TRAT1: variants seen among roughly 807,000 people sequenced by gnomAD.
TRAT1 encodes the protein T-cell receptor-associated transmembrane adapter 1.
TRAT1 carries 20 observed loss-of-function variants against 20.0 expected under a neutral mutation model. The observed-to-expected ratio is 1.00, with a 90% confidence interval of 0.70 to 1.45. The LOEUF (loss-of-function observed/expected upper bound fraction) is 1.45. Among genes scored for constraint, TRAT1 ranks in the 40% most tolerant of loss-of-function variants. TRAT1 has a pLI of 0.00. For missense variants in TRAT1, 237 were observed against 224.1 expected (o/e 1.06, Z -0.37); for synonymous variants, 77 against 74.2 (o/e 1.04, Z -0.20).
At chr3:108,847,032 G>A in intron 3 of TRAT1, 36 bp from the exon 4 acceptor site, 1 of 1,247,768 alleles carries the variant, frequency 8.0e-7, no homozygotes, top group Non-Finnish European at 1.2e-6. Context: ...GTGAAAAGTG[G>A]AATCTAATAA....
In TRAT1 at chr3:108,848,165, A is replaced by G. The variant is rs546162650; in HGVS notation, c.215-1001A>G. Among the ~76,000 whole-genome samples the G allele has an allele frequency of 2.0e-4, 30 of 152,288 alleles. No individual in the cohort carries two copies. The East Asian group carries it at 4.4e-3, about 23-fold the overall frequency. Reference sequence around the variant, plus strand: ...CAAACCCATTATACCTGCTACTTCCATACTTAAGTGAGCCCAGGTGCCGCT... The same window carrying G: ...CAAACCCATTATACCTGCTACTTCCGTACTTAAGTGAGCCCAGGTGCCGCT... On this transcript the variant is annotated intron_variant, in intron 4 of 5. Transcript: ENST00000295756.
intron 2 of TRAT1, among the ~76,000 whole-genome samples, chr3:108,832,654 C>A (rs76755095): frequency 0.017 from 2,538 of 152,168 alleles, 78 homozygotes; most frequent in African/African-American, 0.058. Flanking sequence ...CAAGACAAGA[C>A]CAGTAACCTG....
At chr3:108,836,219 G>GAGTT (rs1290590891) in intron 2 of TRAT1, among the ~76,000 whole-genome samples, 1 of 152,050 alleles carries the variant, frequency 6.6e-6, no homozygotes, top group African/African-American at 2.4e-5. Flanking sequence ...TGCCCGGCCA[G>GAGTT]AGTTAGTTTT....
intron 3 of TRAT1, among the ~76,000 whole-genome samples, chr3:108,841,982 G>C (rs185619403): frequency 1.1e-3 from 162 of 152,174 alleles, no homozygotes; most frequent in African/African-American, 3.6e-3. Flanking sequence ...TGAAGAATAA[G>C]GTTTATAATA....
At chr3:108,838,356 TGATAGATAGATAGATAGATAGATA>T (rs11371183) in intron 2 of TRAT1, among the ~76,000 whole-genome samples, 9 of 77,012 alleles carry the variant, frequency 1.2e-4, no homozygotes, top group Non-Finnish European at 2.3e-4. Flanking sequence ...TATAGATAGA[TGATAGATAGATAGATAGATAGATA>T]GATAGATAGA....
intron 1 of TRAT1, among the ~76,000 whole-genome samples, chr3:108,829,532 C>T (rs530502351): frequency 2.0e-5 from 3 of 151,054 alleles, no homozygotes; most frequent in Non-Finnish European, 2.9e-5. Flanking sequence ...TGTAGTGAGC[C>T]GAGATCGTGC....
intron 2 of TRAT1, among the ~76,000 whole-genome samples, chr3:108,831,953 TAA>T: frequency 6.6e-6 from 1 of 152,136 alleles, no homozygotes; most frequent in East Asian, 1.9e-4. Flanking sequence ...GAAATAAAAC[TAA>T]GTTAACAAAA....
chr3:108,849,256 T>A lies in TRAT1; in HGVS notation c.303+2T>A. 1 of 1,612,718 alleles carries A rather than the reference T, an allele frequency of 6.2e-7. No homozygotes were observed. The highest frequency in any genetic ancestry group is 8.5e-7 in the Non-Finnish European group (1 of 1,179,104). On this transcript the variant is annotated splice_donor_variant, in intron 5 of 5. Coordinates refer to ENST00000295756, the MANE Select transcript of TRAT1 (RefSeq NM_016388.4). LOFTEE classifies it high-confidence loss of function. ...CAGGAAGCCACCCCATCTGCACAGG[T>A]GAGTTTTGTTTTCTGTTTCCACATT...
chr3:108,853,777 A>G lies in TRAT1; in HGVS notation c.461A>G (p.Asp154Gly), dbSNP rs1305223918. The change falls in exon 6 of 6, where the codon GAC becomes GGC. Residue 154 changes from aspartate (D) to glycine (G), a missense_variant. By Grantham distance (94) the Asp-to-Gly change is moderately conservative. Coordinates refer to ENST00000295756, the MANE Select transcript of TRAT1 (RefSeq NM_016388.4). ...DASVSKTTLVDSFSPESQAVE... is the reference protein window; with the variant it reads ...DASVSKTTLVGSFSPESQAVE... ...AGCGTTTCTAAGACCACCTTAGTAG[A>G]CAGTTTCTCCCCAGAAAGCCAGGCA... The G allele has an allele frequency of 4.3e-6, 7 of 1,614,060 alleles. No homozygotes were observed. In the Admixed American group the frequency reaches 6.7e-5, roughly 15 times the overall value.
At chr3:108,836,525 C>T (rs1945843915) in intron 2 of TRAT1, among the ~76,000 whole-genome samples, 1 of 152,092 alleles carries the variant, frequency 6.6e-6, no homozygotes, top group African/African-American at 2.4e-5. Flanking sequence ...TATCTTTTAA[C>T]TTCAAAATAT....
chr3:108,826,529 G>C (rs1311032792), intron 1 of TRAT1, among the ~76,000 whole-genome samples: 2 of 152,096 alleles, frequency 1.3e-5, no homozygotes, highest in Admixed American at 1.3e-4. Context: ...TTGGGATTGT[G>C]CGTGTAGTGA....
chr3:108,829,628 C>T (rs1445184149), intron 1 of TRAT1, among the ~76,000 whole-genome samples: 1 of 131,206 alleles, frequency 7.6e-6, no homozygotes, highest in Non-Finnish European at 1.7e-5. Flanking sequence ...ACGTTTTGGT[C>T]GATGATTGAC....
At chr3:108,844,843 C>CAAAAAAAAAAAAAAAAAA (rs71103495) in intron 3 of TRAT1, among the ~76,000 whole-genome samples, 12 of 47,830 alleles carry the variant, frequency 2.5e-4, no homozygotes, top group African/African-American at 9.4e-4. Flanking sequence ...GACTCTGTCT[C>CAAAAAAAAAAAAAAAAAA]AAAAAAAAAA....
intron 2 of TRAT1, among the ~76,000 whole-genome samples, chr3:108,838,480 G>A (rs1945861081): frequency 6.6e-6 from 1 of 151,942 alleles, no homozygotes; most frequent in Admixed American, 6.6e-5. Flanking sequence ...CAAACCACAT[G>A]GGCAAAGATA....
chr3:108,837,768 G>A (rs1945853152), intron 2 of TRAT1, among the ~76,000 whole-genome samples: 1 of 152,126 alleles, frequency 6.6e-6, no homozygotes, highest in Non-Finnish European at 1.5e-5. Flanking sequence ...TGTGCTGTAT[G>A]TGTGCATCTA....
At chr3:108,834,827 C>T (rs1201856659) in intron 2 of TRAT1, among the ~76,000 whole-genome samples, 2 of 152,168 alleles carry the variant, frequency 1.3e-5, no homozygotes, top group African/African-American at 4.8e-5. Context: ...CCAGATAAGC[C>T]TCCCCTTGAT....
intron 4 of TRAT1, among the ~76,000 whole-genome samples, chr3:108,848,759 A>G (rs1470227554): frequency 6.6e-6 from 1 of 152,240 alleles, no homozygotes; most frequent in African/African-American, 2.4e-5. Context: ...TCAAAATTGT[A>G]ATCACTGATG....
chr3:108,844,861 A>G (rs185865266), intron 3 of TRAT1, among the ~76,000 whole-genome samples: 57,309 of 137,194 alleles, frequency 0.42, 14,787 homozygotes, highest in East Asian at 0.9. Flanking sequence ...AAAAAAAAAA[A>G]AAAAAAAAGA....
intron 2 of TRAT1, among the ~76,000 whole-genome samples, chr3:108,833,601 G>A (rs1033193095): frequency 6.6e-6 from 1 of 152,078 alleles, no homozygotes; most frequent in African/African-American, 2.4e-5. Flanking sequence ...ATTTATTGAT[G>A]TATTTTTTAA....
Sources: allele counts gnomAD v4.1 joint callset (sites outside exome capture counted in the v4.1 genomes callset), GRCh38; gene constraint gnomAD v4.1.1; transcripts MANE v1.5; gene names NCBI Gene and HGNC (gene_info 2026-07-23, HGNC 2026-07-21).